Variants in CNPY1 observed in about 807,000 individuals in gnomAD.
The protein encoded by CNPY1 is protein canopy homolog 1.
A neutral mutation model predicts 14.4 loss-of-function variants in CNPY1; 14 were observed. The ratio of observed to expected loss-of-function variants is 0.97; its 90% CI spans 0.64 to 1.52. The LOEUF (loss-of-function observed/expected upper bound fraction) is 1.52, where lower values mean the gene tolerates loss of function less well. CNPY1 is among the 40% of genes most tolerant of loss of function. CNPY1 has a pLI of 0.00. For missense variants in CNPY1, 129 were observed against 131.5 expected, an observed-to-expected ratio of 0.98 and a Z score of 0.09; for synonymous variants, 43 against 46.5, an observed-to-expected ratio of 0.92 and a Z score of 0.31.
chr7:155,507,616 G>A (rs1199067648), intron 3 of CNPY1, among the ~76,000 whole-genome samples: 2 of 150,934 alleles, frequency 1.3e-5, no homozygotes, highest in Admixed American at 6.6e-5. Flanking sequence ...CAAAACAAAC[G>A]CATCTTCAAT....
chr7:155,528,513 A>G (rs1786835957), intron 2 of CNPY1, among the ~76,000 whole-genome samples: 1 of 152,166 alleles, frequency 6.6e-6, no homozygotes, highest in African/African-American at 2.4e-5. Context: ...CTAACTGGAG[A>G]GAAGGGAAGT....
intron 2 of CNPY1, among the ~76,000 whole-genome samples, chr7:155,522,054 C>T (rs776740663): frequency 2.0e-5 from 3 of 152,228 alleles, no homozygotes; most frequent in Non-Finnish European, 2.9e-5. Context: ...GTGTTGAACA[C>T]GCACGTGCAC....
At chr7:155,529,533 G>C (rs1390417543) in intron 2 of CNPY1, among the ~76,000 whole-genome samples, 2 of 152,116 alleles carry the variant, frequency 1.3e-5, no homozygotes, top group African/African-American at 4.8e-5. Context: ...CATGGTTCCG[G>C]TGGCTGCTGG....
intron 4 of CNPY1, 30 bp downstream of exon 4, chr7:155,506,990 A>G (rs764781986): frequency 7.1e-7 from 1 of 1,407,258 alleles, no homozygotes; most frequent in Non-Finnish European, 1.0e-6. Context: ...GTGTGCGAGC[A>G]GCGAGCACAT....
chr7:155,543,676 C>T (rs1458501061), intron 2 of CNPY1, among the ~76,000 whole-genome samples: 1 of 152,200 alleles, frequency 6.6e-6, no homozygotes, highest in Non-Finnish European at 1.5e-5. Flanking sequence ...CCAGGCCATG[C>T]TGTTCTCCAA....
chr7:155,539,343 T>A (rs1797058477), intron 2 of CNPY1, among the ~76,000 whole-genome samples: 1 of 152,220 alleles, frequency 6.6e-6, no homozygotes, highest in South Asian at 2.1e-4. Context: ...TCACAAAACA[T>A]ACTTTCCTTT....
intron 1 of CNPY1, 98 bp from the exon 2 acceptor site, chr7:155,546,041 G>A (rs1025470386): frequency 1.5e-5 from 6 of 398,034 alleles, no homozygotes; most frequent in Non-Finnish European, 2.7e-5. Context: ...GCTAGAACAG[G>A]GACAGTGCCG....
chr7:155,545,659 A>G (rs1055310216), intron 2 of CNPY1, among the ~76,000 whole-genome samples, 172 bp downstream of exon 2: 9 of 152,224 alleles, frequency 5.9e-5, no homozygotes, highest in African/African-American at 2.2e-4. Flanking sequence ...GAGATACTTC[A>G]ATTTCAAGCT....
chr7:155,529,645 C>T (rs1446845010), intron 2 of CNPY1, among the ~76,000 whole-genome samples: 3 of 152,178 alleles, frequency 2.0e-5, no homozygotes, highest in Admixed American at 2.0e-4. Flanking sequence ...TCCATCTTAT[C>T]TTCTTATAAG....
rs577187553 is a variant in CNPY1, at chr7:155,543,448, G to A, written c.99+2383C>T. 8.7e-4 allele frequency among the ~76,000 whole-genome samples: 133 copies of A among 152,328 alleles called. 1 individual carries two copies. Among genetic ancestry groups the A allele is most frequent in the African/African-American group, 2.9e-3 (122 of 41,572 alleles). ...TCACACTGCCAGATCCCCTACTTCCGAATTTGGCCAAGTAGCCTGCTGACG... is the reference window on the plus strand; with the variant it reads ...TCACACTGCCAGATCCCCTACTTCCAAATTTGGCCAAGTAGCCTGCTGACG... On this transcript the variant is annotated intron_variant, in intron 2 of 4. Transcript: ENST00000636446.
intron 2 of CNPY1, among the ~76,000 whole-genome samples, chr7:155,530,395 G>A (rs1158214394): frequency 6.7e-6 from 1 of 150,018 alleles, no homozygotes; most frequent in Non-Finnish European, 1.5e-5. Context: ...AAACTCCTGG[G>A]CCTAAGCAAT....
chr7:155,537,519 A>C (rs571533486), intron 2 of CNPY1, among the ~76,000 whole-genome samples: 1 of 148,264 alleles, frequency 6.7e-6, no homozygotes, highest in Non-Finnish European at 1.5e-5. Context: ...CGCCTCCTGG[A>C]TTCAAGTGAT....
chr7:155,546,180 A>G (rs1585341274), intron 1 of CNPY1, among the ~76,000 whole-genome samples: 1 of 139,128 alleles, frequency 7.2e-6, no homozygotes, highest in African/African-American at 2.5e-5. Context: ...TTACTTTTAC[A>G]TTTAAAATGT....
intron 2 of CNPY1, among the ~76,000 whole-genome samples, chr7:155,538,085 A>G (rs1237197594): frequency 6.6e-6 from 1 of 152,222 alleles, no homozygotes; most frequent in East Asian, 1.9e-4. Context: ...TGCACTTAAT[A>G]ATAGGAAAAT....
chr7:155,516,547 C>G (rs542366942), intron 2 of CNPY1, among the ~76,000 whole-genome samples: 113 of 150,642 alleles, frequency 7.5e-4, no homozygotes, highest in African/African-American at 2.7e-3. Context: ...CCAGGAGACG[C>G]GGTGTCCTCA....
intron 4 of CNPY1, 68 bp from the exon 5 acceptor site, chr7:155,503,173 A>C: frequency 8.0e-7 from 1 of 1,248,870 alleles, no homozygotes; most frequent in Non-Finnish European, 1.1e-6. Flanking sequence ...AGTCATTTAC[A>C]TTATGCAAAA....
chr7:155,528,281 C>T (rs1313804257), intron 2 of CNPY1, among the ~76,000 whole-genome samples: 2 of 152,250 alleles, frequency 1.3e-5, no homozygotes, highest in Admixed American at 1.3e-4. Context: ...CTCGCCAGCA[C>T]TTTCTTTCAT....
chr7:155,513,517 TAA>T (rs1796564494), intron 2 of CNPY1, among the ~76,000 whole-genome samples: 1 of 152,120 alleles, frequency 6.6e-6, no homozygotes, highest in African/African-American at 2.4e-5. Flanking sequence ...TAAAGTGAAA[TAA>T]GTCATTCTTA....
In CNPY1 at chr7:155,502,752, C is replaced by A; in HGVS notation, c.*316G>T. ...AATAAGCAGCATACATTATGAAATC[C>A]CTATTTTGTTTATGAAATGTCTTCG... On this transcript the variant is annotated 3_prime_UTR_variant, in exon 5 of 5. Transcript: ENST00000636446. 1 of 347,420 alleles carries A rather than the reference C, an allele frequency of 2.9e-6. No individual in the cohort carries two copies. Among genetic ancestry groups the A allele is most frequent in the Non-Finnish European group, 5.2e-6 (1 of 190,700 alleles). 21.5% of individuals were successfully genotyped at this position (347,420 alleles called of 1,614,324 possible). A position where few individuals can be genotyped will look rare whatever the true frequency, so the allele number is the denominator to read the frequency against.
Sources: allele counts gnomAD v4.1 joint callset (sites outside exome capture counted in the v4.1 genomes callset), GRCh38; gene constraint gnomAD v4.1.1; transcripts MANE v1.5; gene names NCBI Gene and HGNC (gene_info 2026-07-23, HGNC 2026-07-21).